The following TGFA variants were observed in gnomAD, a reference collection of about 807,000 sequenced individuals.
The protein encoded by TGFA is protransforming growth factor alpha.
Under a neutral mutation model 21.7 loss-of-function variants are expected in TGFA, and 12 were observed. The observed-to-expected ratio is 0.55, with a 90% confidence interval of 0.35 to 0.90. TGFA has a LOEUF of 0.90. Among genes scored for constraint, TGFA ranks in the 40% least tolerant of loss-of-function variants. The probability of loss-of-function intolerance (pLI) is 0.01; values close to 1 mark genes in which losing one functional copy is unlikely to be tolerated. For synonymous variants in TGFA, 79 were observed against 88.1 expected, an observed-to-expected ratio of 0.90 and a Z score of 0.58; for missense variants, 178 against 210.8, an observed-to-expected ratio of 0.84 and a Z score of 0.96.
In TGFA at chr2:70,483,236, T is replaced by C. The variant is rs1306434293; in HGVS notation, c.95-17500A>G. Among the ~76,000 whole-genome samples, 3 of 152,264 alleles carry C rather than the reference T, an allele frequency of 2.0e-5. No homozygotes were observed. The East Asian group carries it at 5.8e-4, about 29-fold the overall frequency. ...TAATCTGCTGTGACTTTTCATTCTT[T>C]ATTTGCTGTAATAAATTGGTCTAAT... On this transcript the variant is annotated intron_variant, in intron 2 of 5. Transcript: ENST00000295400.
chr2:70,499,000 C>T lies in TGFA; in HGVS notation c.94+15859G>A, dbSNP rs1006936164. Among the ~76,000 whole-genome samples the T allele has an allele frequency of 2.0e-5, 3 of 151,886 alleles. No individual in the cohort carries two copies. The East Asian group carries it at 5.8e-4, about 29-fold the overall frequency. On this transcript the variant is annotated intron_variant, in intron 2 of 5. Transcript: ENST00000295400. ...GTAAATTAGAATCTCTGGGGTGGGGCCAGGACACTAGTGTTTTTAAAACTC... is the reference window on the plus strand; with the variant it reads ...GTAAATTAGAATCTCTGGGGTGGGGTCAGGACACTAGTGTTTTTAAAACTC...
intron 2 of TGFA, among the ~76,000 whole-genome samples, chr2:70,503,074 T>G (rs1003921943): frequency 2.0e-5 from 3 of 152,108 alleles, no homozygotes; most frequent in Non-Finnish European, 4.4e-5. Flanking sequence ...CCATTACTGG[T>G]TATATACACA....
chr2:70,527,441 G>A (rs569268580), intron 1 of TGFA, among the ~76,000 whole-genome samples: 4 of 152,302 alleles, frequency 2.6e-5, no homozygotes, highest in African/African-American at 7.2e-5. Flanking sequence ...GCTTGGGAGA[G>A]GGGAGAAAGG....
At chr2:70,466,294 G>A (rs1194188540) in intron 2 of TGFA, among the ~76,000 whole-genome samples, 1 of 152,202 alleles carries the variant, frequency 6.6e-6, no homozygotes, top group Non-Finnish European at 1.5e-5. Flanking sequence ...GGATCATGAG[G>A]TCAGGAGATC....
intron 1 of TGFA, among the ~76,000 whole-genome samples, chr2:70,543,166 A>G (rs1004043535): frequency 2.0e-5 from 3 of 152,196 alleles, no homozygotes; most frequent in Non-Finnish European, 4.4e-5. Context: ...TATCATCAAG[A>G]AAAACAAACT....
intron 2 of TGFA, among the ~76,000 whole-genome samples, chr2:70,499,433 T>G (rs1249282046): frequency 1.3e-5 from 2 of 152,190 alleles, no homozygotes; most frequent in African/African-American, 4.8e-5. Context: ...GACCGAGAGT[T>G]AAACCTGCTG....
chr2:70,498,542 C>T (rs1671642559), intron 2 of TGFA, among the ~76,000 whole-genome samples: 1 of 152,090 alleles, frequency 6.6e-6, no homozygotes, highest in Non-Finnish European at 1.5e-5. Flanking sequence ...TTCTCTTTAT[C>T]CCCTTTATCA....
chr2:70,518,912 G>GCT (rs1292821754), intron 1 of TGFA, among the ~76,000 whole-genome samples: 1 of 152,192 alleles, frequency 6.6e-6, no homozygotes, highest in African/African-American at 2.4e-5. Context: ...AATATCAAGA[G>GCT]CTCTACCTTT....
intron 5 of TGFA, among the ~76,000 whole-genome samples, chr2:70,452,803 G>A (rs782556725): frequency 7.9e-5 from 12 of 152,036 alleles, no homozygotes; most frequent in East Asian, 3.9e-4. Flanking sequence ...TTTTCTGGGC[G>A]TGGTGGTGGG....
At chr2:70,548,981 T>C (rs1224589044) in intron 1 of TGFA, among the ~76,000 whole-genome samples, 1 of 152,170 alleles carries the variant, frequency 6.6e-6, no homozygotes, top group Non-Finnish European at 1.5e-5. Context: ...CATAAAAGTC[T>C]CCCAATCTTC....
Position 70,456,324 on chromosome 2 carries a change from G to A in TGFA, c.365+15C>T. The A allele has an allele frequency of 1.3e-6, 2 of 1,541,244 alleles. No homozygotes were observed. The highest frequency in any genetic ancestry group is 1.2e-5 in the South Asian group (1 of 83,746). On this transcript the variant is annotated intron_variant, in intron 4 of 5. Transcript: ENST00000295400. ...GTGGGCAGGGGACCTGGCCTTAGGGGCAGCAAGTACTCACTGTATCAGCAC... is the reference window on the plus strand; with the variant it reads ...GTGGGCAGGGGACCTGGCCTTAGGGACAGCAAGTACTCACTGTATCAGCAC...
intron 1 of TGFA, among the ~76,000 whole-genome samples, chr2:70,543,131 A>G (rs1197624206): frequency 6.6e-6 from 1 of 152,142 alleles, no homozygotes; most frequent in Non-Finnish European, 1.5e-5. Context: ...ACTTAAAAAT[A>G]AAAGAAGGGT....
In TGFA at chr2:70,450,830, C is replaced by A; in HGVS notation, c.*29G>T. On this transcript the variant is annotated 3_prime_UTR_variant, in exon 6 of 6. Transcript: ENST00000295400. ...CTTTCTTTATTGATCTGCCACAGTCCACCTGGCCAAACTCCTCCTCTGGGC... is the reference window on the plus strand; with the variant it reads ...CTTTCTTTATTGATCTGCCACAGTCAACCTGGCCAAACTCCTCCTCTGGGC... The A allele has an allele frequency of 6.2e-7, 1 of 1,608,500 alleles. No homozygotes were observed. Among genetic ancestry groups the A allele is most frequent in the Non-Finnish European group, 8.5e-7 (1 of 1,177,134 alleles).
intron 2 of TGFA, among the ~76,000 whole-genome samples, chr2:70,471,692 T>G (rs1462958670): frequency 1.3e-5 from 2 of 151,118 alleles, no homozygotes; most frequent in Non-Finnish European, 2.9e-5. Flanking sequence ...ATTGAGTGCT[T>G]GCTAAGTGCT....
At chr2:70,504,469 C>CATAAATATATATATATATATATATATAT (rs1230209696) in intron 2 of TGFA, among the ~76,000 whole-genome samples, 1 of 80,628 alleles carries the variant, frequency 1.2e-5, no homozygotes, top group Non-Finnish European at 2.6e-5. Flanking sequence ...TATATACACA[C>CATAAATATATATATATATATATATATAT]ATACATACAT....
At chr2:70,484,380 T>G (rs955480305) in intron 2 of TGFA, among the ~76,000 whole-genome samples, 2 of 152,230 alleles carry the variant, frequency 1.3e-5, no homozygotes, top group Non-Finnish European at 2.9e-5. Context: ...ATTTCTTAGA[T>G]CAACCATCTA....
chr2:70,549,461 A>C (rs1299881838), intron 1 of TGFA, among the ~76,000 whole-genome samples: 1 of 152,034 alleles, frequency 6.6e-6, no homozygotes, highest in Non-Finnish European at 1.5e-5. Context: ...AGCCAGGCAA[A>C]CCTCCCACCT....
At chr2:70,507,960 G>A (rs79056982) in intron 2 of TGFA, among the ~76,000 whole-genome samples, 14,237 of 152,218 alleles carry the variant, frequency 0.094, 884 homozygotes, top group African/African-American at 0.18. Context: ...TTACCAAGAG[G>A]CCATTTGCAT....
chr2:70,537,136 T>C (rs1415283010), intron 1 of TGFA, among the ~76,000 whole-genome samples: 1 of 152,104 alleles, frequency 6.6e-6, no homozygotes, highest in African/African-American at 2.4e-5. Flanking sequence ...AGGTGCTCAG[T>C]GATCTTTGAT....
Sources: allele counts gnomAD v4.1 joint callset (sites outside exome capture counted in the v4.1 genomes callset), GRCh38; gene constraint gnomAD v4.1.1; transcripts MANE v1.5; gene names NCBI Gene and HGNC (gene_info 2026-07-23, HGNC 2026-07-21).